Variants in NEK6 observed in about 807,000 individuals in gnomAD.
NEK6 encodes serine/threonine-protein kinase Nek6.
A neutral mutation model predicts 43.5 loss-of-function variants in NEK6; 27 were observed. The ratio of observed to expected loss-of-function variants is 0.62; its 90% confidence interval spans 0.46 to 0.86. The LOEUF (loss-of-function observed/expected upper bound fraction) is 0.86, where lower values mean the gene tolerates loss of function less well. NEK6 is among the 40% of genes least tolerant of loss of function. The pLI, the probability that NEK6 is intolerant of heterozygous loss-of-function variation, is 0.00. For missense variants in NEK6, 318 were observed against 414.4 expected, an observed-to-expected ratio of 0.77 and a Z score of 2.02; for synonymous variants, 167 against 164.1, an observed-to-expected ratio of 1.02 and a Z score of -0.14.
intron 7 of NEK6, among the ~76,000 whole-genome samples, chr9:124,328,588 A>G (rs1828793872): frequency 6.6e-6 from 1 of 152,162 alleles, no homozygotes; most frequent in Non-Finnish European, 1.5e-5. Flanking sequence ...TCAAGCCAGG[A>G]CGTCTCCTAT....
At chr9:124,263,541 A>G (rs1831114649) in intron 1 of NEK6, among the ~76,000 whole-genome samples, 1 of 152,232 alleles carries the variant, frequency 6.6e-6, no homozygotes, top group Non-Finnish European at 1.5e-5. Context: ...GCGCCTTTTA[A>G]GTGCTTGATG....
intron 1 of NEK6, among the ~76,000 whole-genome samples, chr9:124,271,257 G>A (rs1049195200): frequency 2.6e-5 from 4 of 152,204 alleles, no homozygotes; most frequent in Non-Finnish European, 5.9e-5. Flanking sequence ...GTCAGAAATC[G>A]AGTGGCGCGG....
chr9:124,284,993 G>A (rs1193794515), intron 1 of NEK6, among the ~76,000 whole-genome samples: 1 of 152,244 alleles, frequency 6.6e-6, no homozygotes, highest in African/African-American at 2.4e-5. Context: ...ACGGAGTAGT[G>A]GCACGTGATT....
In NEK6 at chr9:124,326,157, C is replaced by T. The variant is rs1037276229; in HGVS notation, c.406-173C>T. On this transcript the variant is annotated intron_variant, in intron 5 of 9. Coordinates refer to ENST00000320246, the MANE Select transcript of NEK6 (RefSeq NM_014397.6). The surrounding 1 kb of genome is among the most constrained non-coding windows in gnomAD (Gnocchi z 4.5). Reference sequence around the variant, plus strand: ...ATTCAGGCAGAAGTAGAGGCGTGGACACAGCACTCTTGGTTCTGGGCTTAT... The same window carrying T: ...ATTCAGGCAGAAGTAGAGGCGTGGATACAGCACTCTTGGTTCTGGGCTTAT... Among the ~76,000 whole-genome samples the T allele has an allele frequency of 6.6e-6, 1 of 151,860 alleles. No individual in the cohort carries two copies. Among genetic ancestry groups the T allele is most frequent in the African/African-American group, 2.4e-5 (1 of 41,320 alleles).
intron 4 of NEK6, among the ~76,000 whole-genome samples, chr9:124,317,316 G>A (rs1026741603): frequency 3.3e-5 from 5 of 152,052 alleles, no homozygotes; most frequent in African/African-American, 7.2e-5. Flanking sequence ...GCCGTGGTGC[G>A]ATCTCGGCTC....
intron 1 of NEK6, among the ~76,000 whole-genome samples, chr9:124,281,445 G>T (rs182909057): frequency 7.9e-5 from 12 of 151,694 alleles, no homozygotes; most frequent in African/African-American, 2.9e-4. Flanking sequence ...AGAAAAGGAA[G>T]GCCTGGCTTG....
rs533024186 is a variant in NEK6 at position 124,283,707 on chromosome 9, A to G, written c.-29-18229A>G. 6.8e-4 allele frequency among the ~76,000 whole-genome samples: 103 copies of G among 152,322 alleles called. 1 individual carries two copies. Among genetic ancestry groups the G allele is most frequent in the African/African-American group, 2.4e-3 (98 of 41,566 alleles). ...TCGGCCTCTATCCCACAACTCGCAC[A>G]GGGCTTGCCTCACCTTTAGGCCTTT... is the stretch of plus-strand genomic sequence containing the variant. On this transcript the variant is annotated intron_variant, in intron 1 of 9. Transcript: ENST00000320246.
intron 1 of NEK6, among the ~76,000 whole-genome samples, chr9:124,282,784 G>A (rs987359001): frequency 2.0e-5 from 3 of 152,256 alleles, no homozygotes; most frequent in Non-Finnish European, 4.4e-5. Context: ...TTAAAAACAG[G>A]CTTGCAGCGT....
Position 124,273,368 on chromosome 9 carries a change from G to A in NEK6, c.-30+15283G>A, listed in dbSNP as rs571354783. Among the ~76,000 whole-genome samples the A allele has an allele frequency of 3.5e-4, 54 of 152,296 alleles. 1 individual carries two copies. The highest frequency in any genetic ancestry group is 1.3e-3 in the African/African-American group (52 of 41,560). On this transcript the variant is annotated intron_variant, in intron 1 of 9. Coordinates refer to ENST00000320246, the MANE Select transcript of NEK6 (RefSeq NM_014397.6). Reference sequence around the variant, plus strand: ...CTTGATCCCGAATGGGGGAGGGGACGGAACCCTTTGCATGCTTGTGGAAAT... The same window carrying A: ...CTTGATCCCGAATGGGGGAGGGGACAGAACCCTTTGCATGCTTGTGGAAAT...
At chr9:124,318,414 T>C (rs551588119) in intron 4 of NEK6, among the ~76,000 whole-genome samples, 2 of 152,188 alleles carry the variant, frequency 1.3e-5, no homozygotes, top group South Asian at 4.1e-4. Context: ...GCTAATTTTT[T>C]TTTGTAGTGA....
At chr9:124,336,478 G>C (rs889552072) in intron 7 of NEK6, among the ~76,000 whole-genome samples, 2 of 152,032 alleles carry the variant, frequency 1.3e-5, no homozygotes, top group African/African-American at 4.8e-5. Flanking sequence ...GAAATCTCCT[G>C]ACCCGTGAAA....
intron 1 of NEK6, among the ~76,000 whole-genome samples, chr9:124,294,761 AC>A (rs1832600350): frequency 6.6e-6 from 1 of 152,002 alleles, no homozygotes; most frequent in African/African-American, 2.4e-5. Flanking sequence ...CGGTGTGCGG[AC>A]CTTTTGCTGT....
At chr9:124,350,699 G>T (rs555937988) in intron 9 of NEK6, 138 bp from the exon 10 acceptor site, 21 of 706,292 alleles carry the variant, frequency 3.0e-5, no homozygotes, top group Non-Finnish European at 5.1e-5. Flanking sequence ...GCTAAACACC[G>T]TTCTTCAGCT....
At position 124,303,614 on chromosome 9, in the gene NEK6, C is replaced by A. The variant is rs188916546; in HGVS notation, c.90+1560C>A. 2.0e-5 allele frequency among the ~76,000 whole-genome samples: 3 copies of A among 152,112 alleles called. No individual in the cohort carries two copies. The South Asian group carries it at 6.2e-4, about 32-fold the overall frequency. On this transcript the variant is annotated intron_variant, in intron 2 of 9. Transcript: ENST00000320246. ...TATCTGGTGGGGGTGTGTGTATATG[C>A]ATACACACAAGCATGCAGAGGGTCC... is the stretch of plus-strand genomic sequence containing the variant.
At chr9:124,325,362 C>A (rs925294581) in intron 5 of NEK6, among the ~76,000 whole-genome samples, 6 of 152,262 alleles carry the variant, frequency 3.9e-5, no homozygotes, top group Non-Finnish European at 8.8e-5. Flanking sequence ...GCTGGCCCAG[C>A]TCCTTTCCTC....
intron 1 of NEK6, chr9:124,292,824 C>T: frequency 7.0e-7 from 1 of 1,432,606 alleles, no homozygotes; most frequent in Non-Finnish European, 9.2e-7. Context: ...TAGTCTCTAC[C>T]CTCAAGGACA....
intron 4 of NEK6, among the ~76,000 whole-genome samples, chr9:124,315,293 A>G (rs989651172): frequency 1.3e-5 from 2 of 152,230 alleles, no homozygotes; most frequent in African/African-American, 4.8e-5. Context: ...CAGGCACCGC[A>G]GCACCGTGGA....
chr9:124,270,120 C>T (rs1831382251), intron 1 of NEK6, among the ~76,000 whole-genome samples: 1 of 152,152 alleles, frequency 6.6e-6, no homozygotes, highest in African/African-American at 2.4e-5. Context: ...TCCATCTCCC[C>T]ATGTGCTCCA....
intron 1 of NEK6, among the ~76,000 whole-genome samples, chr9:124,273,057 T>C (rs766626512): frequency 2.0e-5 from 3 of 152,068 alleles, no homozygotes; most frequent in Non-Finnish European, 4.4e-5. Context: ...AGAGACAGAC[T>C]GTTGGTGCTA....
Sources: allele counts gnomAD v4.1 joint callset (sites outside exome capture counted in the v4.1 genomes callset), GRCh38; gene constraint gnomAD v4.1.1; non-coding constraint Gnocchi (gnomAD v3.1); transcripts MANE v1.5; gene names NCBI Gene and HGNC (gene_info 2026-07-23, HGNC 2026-07-21).